Variants in ZRANB3 observed in about 807,000 individuals in gnomAD.
The protein encoded by ZRANB3 is zinc finger RANBP2-type containing 3.
ZRANB3 carries 125 observed loss-of-function variants against 133.8 expected under a neutral mutation model. The observed-to-expected ratio is 0.93, with a 90% CI of 0.81 to 1.08. The LOEUF is 1.08. Ranked by LOEUF, ZRANB3 falls within the 50% of genes least tolerant of loss-of-function variation. ZRANB3 has a pLI of 0.00. For missense variants in ZRANB3, 1,229 were observed against 1,275.5 expected, an observed-to-expected ratio of 0.96 and a Z score of 0.56; for synonymous variants, 387 against 432.7, an observed-to-expected ratio of 0.89 and a Z score of 1.31.
chr2:135,259,093 A>G (rs1179155732), intron 12 of ZRANB3, among the ~76,000 whole-genome samples: 4 of 152,148 alleles, frequency 2.6e-5, no homozygotes, highest in Non-Finnish European at 4.4e-5. Flanking sequence ...GCTGGAGTAC[A>G]GTGGTGCAAT....
chr2:135,525,839 ACT>A (rs1217608552), intron 1 of ZRANB3, among the ~76,000 whole-genome samples: 2 of 142,426 alleles, frequency 1.4e-5, no homozygotes, highest in East Asian at 2.0e-4. Context: ...CAAGAGCAAA[ACT>A]CTGTCTCAAA....
chr2:135,219,365 G>A (rs1209411572), intron 15 of ZRANB3, among the ~76,000 whole-genome samples, 187 bp from the exon 16 acceptor site: 1 of 152,214 alleles, frequency 6.6e-6, no homozygotes, highest in Non-Finnish European at 1.5e-5. Flanking sequence ...AAGAAGAGGA[G>A]GCAGGCTCTC....
intron 8 of ZRANB3, among the ~76,000 whole-genome samples, chr2:135,300,999 A>T (rs955538444): frequency 3.9e-5 from 6 of 152,142 alleles, no homozygotes; most frequent in Non-Finnish European, 1.5e-5. Context: ...AGTCTCAGTC[A>T]GAATTCCTCT....
chr2:135,280,640 T>A, intron 8 of ZRANB3, among the ~76,000 whole-genome samples: 1 of 152,158 alleles, frequency 6.6e-6, no homozygotes, highest in Non-Finnish European at 1.5e-5. Flanking sequence ...AGTGAAGATG[T>A]ACACATCTTA....
At chr2:135,415,266 A>G (rs1688510828) in intron 2 of ZRANB3, among the ~76,000 whole-genome samples, 2 of 151,668 alleles carry the variant, frequency 1.3e-5, no homozygotes, top group African/African-American at 4.8e-5. Flanking sequence ...AAAAAATGAT[A>G]AAGGGGATAT....
intron 8 of ZRANB3, among the ~76,000 whole-genome samples, chr2:135,308,701 A>G (rs974941773): frequency 9.2e-5 from 14 of 152,280 alleles, no homozygotes; most frequent in African/African-American, 2.9e-4. Flanking sequence ...CCTAAGCTGA[A>G]GGGACTCTCC....
At chr2:135,422,796 A>G (rs1574081276) in intron 2 of ZRANB3, among the ~76,000 whole-genome samples, 1 of 152,352 alleles carries the variant, frequency 6.6e-6, no homozygotes, top group East Asian at 1.9e-4. Context: ...CCTACTTGAT[A>G]CAAAGTTTTC....
chr2:135,324,257 G>T (rs901377826), intron 6 of ZRANB3, among the ~76,000 whole-genome samples: 1 of 147,700 alleles, frequency 6.8e-6, no homozygotes, highest in Admixed American at 6.8e-5. Context: ...ACAGGCCCCG[G>T]TGTGTGATGT....
chr2:135,203,922 T>C (rs1406519662), intron 19 of ZRANB3, among the ~76,000 whole-genome samples: 1 of 152,234 alleles, frequency 6.6e-6, no homozygotes, highest in East Asian at 1.9e-4. Flanking sequence ...TACATTAAAA[T>C]GGGATGTATT....
chr2:135,427,546 C>A (rs533409954), intron 2 of ZRANB3, among the ~76,000 whole-genome samples: 5 of 152,034 alleles, frequency 3.3e-5, no homozygotes, highest in Admixed American at 3.3e-4. Flanking sequence ...CAAAACACTG[C>A]TCAAAGAAAA....
chr2:135,206,016 G>A (rs989111125), intron 19 of ZRANB3, among the ~76,000 whole-genome samples: 1 of 152,142 alleles, frequency 6.6e-6, no homozygotes, highest in African/African-American at 2.4e-5. Context: ...AATTCTTACT[G>A]AGAAAATTGG....
chr2:135,412,161 A>C (rs1303912111), intron 2 of ZRANB3, among the ~76,000 whole-genome samples: 2 of 152,190 alleles, frequency 1.3e-5, no homozygotes, highest in African/African-American at 4.8e-5. Flanking sequence ...ACATGTCCAC[A>C]ATATAGAGAC....
chr2:135,453,003 C>T (rs1240794917), intron 2 of ZRANB3, among the ~76,000 whole-genome samples: 1 of 152,268 alleles, frequency 6.6e-6, no homozygotes, highest in Non-Finnish European at 1.5e-5. Flanking sequence ...GGGGGCCCTG[C>T]CCTTGCAGCA....
At chr2:135,251,904 G>A (rs1481937750) in intron 12 of ZRANB3, among the ~76,000 whole-genome samples, 4 of 152,066 alleles carry the variant, frequency 2.6e-5, no homozygotes, top group African/African-American at 7.2e-5. Context: ...GTGTGGTGGT[G>A]TGTGCCTGTA....
chr2:135,292,433 T>C (rs1023469335), intron 8 of ZRANB3, among the ~76,000 whole-genome samples: 20 of 152,220 alleles, frequency 1.3e-4, no homozygotes, highest in East Asian at 3.8e-4. Flanking sequence ...GCCCACTTTT[T>C]GATGGGGTTG....
At chr2:135,226,839 TA>T (rs1694778167) in intron 14 of ZRANB3, among the ~76,000 whole-genome samples, 2 of 138,298 alleles carry the variant, frequency 1.4e-5, no homozygotes, top group African/African-American at 5.4e-5. Flanking sequence ...CAAAAGAGTA[TA>T]ACCCACCTGA....
chr2:135,420,990 G>A (rs1161020176), intron 2 of ZRANB3, among the ~76,000 whole-genome samples: 1 of 152,092 alleles, frequency 6.6e-6, no homozygotes. Flanking sequence ...TAAACACCGA[G>A]TATGTGCATC....
chr2:135,377,252 T>C (rs1686470569), intron 3 of ZRANB3, among the ~76,000 whole-genome samples: 1 of 152,190 alleles, frequency 6.6e-6, no homozygotes. Context: ...CACACCCTGC[T>C]ATACATGTAC....
chr2:135,426,644 A>G (rs1050420318), intron 2 of ZRANB3, among the ~76,000 whole-genome samples: 2 of 150,904 alleles, frequency 1.3e-5, no homozygotes, highest in Non-Finnish European at 3.0e-5. Flanking sequence ...CCTGGTTAAC[A>G]TGGTGAAACT....
Sources: allele counts gnomAD v4.1 joint callset (sites outside exome capture counted in the v4.1 genomes callset), GRCh38; gene constraint gnomAD v4.1.1; transcripts MANE v1.5; gene names NCBI Gene and HGNC (gene_info 2026-07-23, HGNC 2026-07-21).